The following LARP7 variants were observed in gnomAD, a reference collection of about 807,000 sequenced individuals.
LARP7 encodes the protein La ribonucleoprotein 7, transcriptional regulator.
Under a neutral mutation model 69.3 loss-of-function variants are expected in LARP7, and 52 were observed. That is an observed-to-expected ratio of 0.75 (90% CI 0.60 to 0.95). The LOEUF is 0.95. LARP7 is among the 40% of genes least tolerant of loss of function. The pLI is 0.00. For missense variants in LARP7, 733 were observed against 673.0 expected, an observed-to-expected ratio of 1.09 and a Z score of -0.99; for synonymous variants, 254 against 215.9, an observed-to-expected ratio of 1.18 and a Z score of -1.55.
Position 112,646,214 on chromosome 4 carries a change from C to A in LARP7, c.203-137C>A, listed in dbSNP as rs537317459. ...GGCTGGTCTTGAACTCCCCCATCCA[C>A]CCGCCTTGGCCTCCCAAAGTACTAG... On this transcript the variant is annotated intron_variant, in intron 2 of 12. Transcript: ENST00000344442. 8.6e-4 allele frequency: 405 copies of A among 469,516 alleles called. 1 individual carries two copies. Among genetic ancestry groups the A allele is most frequent in the African/African-American group, 7.5e-3 (364 of 48,664 alleles). 29.1% of individuals were successfully genotyped at this position (469,516 alleles called of 1,614,324 possible). A position where few individuals can be genotyped will look rare whatever the true frequency, so the allele number is the denominator to read the frequency against.
intron 12 of LARP7, 75 bp from the exon 13 acceptor site, chr4:112,657,172 G>T (rs1376547320): frequency 2.3e-5 from 6 of 264,362 alleles, no homozygotes; most frequent in Non-Finnish European, 4.3e-5. Flanking sequence ...TCATAGTTTT[G>T]TGTGTGTGTG....
intron 1 of LARP7, among the ~76,000 whole-genome samples, chr4:112,641,656 A>G (rs1325527641): frequency 6.6e-6 from 1 of 152,232 alleles, no homozygotes; most frequent in African/African-American, 2.4e-5. Context: ...TGAGTTGACC[A>G]TGAGGTGTAA....
intron 12 of LARP7, among the ~76,000 whole-genome samples, chr4:112,656,571 A>G (rs556680285): frequency 2.6e-5 from 4 of 152,356 alleles, no homozygotes; most frequent in Non-Finnish European, 4.4e-5. Context: ...GTAAAAATAG[A>G]TAACAGCTAC....
chr4:112,647,050 C>G lies in LARP7; in HGVS notation c.569C>G (p.Pro190Arg). 6.2e-7 allele frequency: 1 copy of G among 1,609,724 alleles called. No homozygotes were observed. Among genetic ancestry groups the G allele is most frequent in the Non-Finnish European group, 8.5e-7 (1 of 1,179,018 alleles). The change falls in exon 6 of 13, where the codon CCA (proline) becomes CGA (arginine). Residue 190 changes from proline to arginine, a missense_variant. By Grantham distance (103) the Pro-to-Arg change is moderately radical (BLOSUM62 -2). Coordinates refer to ENST00000344442, the MANE Select transcript of LARP7 (RefSeq NM_016648.4). Reference protein sequence around the residue: ...AKAIEFLNNPPEEAPRKPGIF... With the variant: ...AKAIEFLNNPREEAPRKPGIF... ...TCATTTCAGTTTCTTAACAACCCACCAGAAGAAGCACCAAGAAAACCTGGC... is the reference window on the plus strand; with the variant it reads ...TCATTTCAGTTTCTTAACAACCCACGAGAAGAAGCACCAAGAAAACCTGGC...
chr4:112,649,750 A>G, intron 9 of LARP7, 64 bp downstream of exon 9: 1 of 1,026,248 alleles, frequency 9.7e-7, no homozygotes, highest in Non-Finnish European at 1.3e-6. Flanking sequence ...GCTATCTCTG[A>G]GTTGTTATAA....
chr4:112,652,294 C>T (rs1459754060), intron 10 of LARP7, among the ~76,000 whole-genome samples: 6 of 60,114 alleles, frequency 1.0e-4, no homozygotes, highest in South Asian at 5.7e-4. Flanking sequence ...AATAAGATTT[C>T]CCCCCCCCCC....
chr4:112,647,196 CAGAAG>C lies in LARP7; in HGVS notation c.651_655del (p.Lys219GlufsTer30). ...TGAACTAATAATGATGGCACTTTTA[CAGAAG>C]AGAAGAAAAAGAAAAAGAAGAAGAA... On this transcript the variant is annotated splice_acceptor_variant and coding_sequence_variant, in exon 7 of 13. Transcript: ENST00000344442. LOFTEE classifies it high-confidence loss of function. The C allele has an allele frequency of 1.1e-5, 17 of 1,587,956 alleles. No homozygotes were observed. The highest frequency in any genetic ancestry group is 1.4e-5 in the Non-Finnish European group (16 of 1,172,932).
At chr4:112,642,823 CTGT>C (rs1464932716) in intron 1 of LARP7, among the ~76,000 whole-genome samples, 1 of 152,228 alleles carries the variant, frequency 6.6e-6, no homozygotes, top group Non-Finnish European at 1.5e-5. Flanking sequence ...GCCTATCAAT[CTGT>C]TGTTCTGGTC....
intron 12 of LARP7, among the ~76,000 whole-genome samples, chr4:112,656,068 G>A (rs1210163309): frequency 6.6e-6 from 1 of 152,006 alleles, no homozygotes; most frequent in African/African-American, 2.4e-5. Flanking sequence ...TGTTGTATTT[G>A]GCCCATAATT....
chr4:112,642,316 G>A (rs2149252284), intron 1 of LARP7, among the ~76,000 whole-genome samples: 1 of 152,278 alleles, frequency 6.6e-6, no homozygotes, highest in African/African-American at 2.4e-5. Context: ...ACCTATAGTT[G>A]TGTTTTATGT....
intron 8 of LARP7, 200 bp downstream of exon 8, chr4:112,648,034 G>C: frequency 1.5e-6 from 1 of 666,238 alleles, no homozygotes; most frequent in Non-Finnish European, 2.9e-6. Flanking sequence ...ACTTATTTTT[G>C]TCATGTCACA....
At chr4:112,650,116 A>G (rs367573595) in intron 9 of LARP7, 2 of 190,346 alleles carry the variant, frequency 1.1e-5, no homozygotes, top group East Asian at 2.7e-4. Context: ...TCACGTTTGA[A>G]TAATAATGTA....
chr4:112,646,447 TAGAGGTA>T lies in LARP7; in HGVS notation c.303_303+6del, dbSNP rs2048244304. On this transcript the variant is annotated splice_donor_variant and splice_donor_region_variant and coding_sequence_variant and intron_variant, in exon 3 of 13. Coordinates refer to ENST00000344442, the MANE Select transcript of LARP7 (RefSeq NM_016648.4). LOFTEE classifies it high-confidence loss of function. ...AGAGCATTGAGAAGTTCAGCTGTTG[TAGAGGTA>T]AGAATCAAGAATAACTACTGTTTAT... 1 of 1,573,756 alleles carries T rather than the reference TAGAGGTA, an allele frequency of 6.4e-7. No individual in the cohort carries two copies. Among genetic ancestry groups the T allele is most frequent in the African/African-American group, 1.4e-5 (1 of 73,928 alleles).
chr4:112,641,128 C>T (rs1023518785), intron 1 of LARP7, among the ~76,000 whole-genome samples: 1 of 152,066 alleles, frequency 6.6e-6, no homozygotes, highest in Non-Finnish European at 1.5e-5. Flanking sequence ...GAGCTGGGCG[C>T]GGTGGCTCAC....
In LARP7 at chr4:112,647,431, G is replaced by A. The variant is rs2048354789; in HGVS notation, c.879G>A (p.Gly293=). The change falls in exon 7 of 13, where the codon GGG becomes GGA. Residue 293 remains glycine, a synonymous_variant. Coordinates refer to ENST00000344442, the MANE Select transcript of LARP7 (RefSeq NM_016648.4). ...CTAGCTTACCTGAAGTCAGAACAGGGAAGAGGAAGAGAAGCAGCTCTGAAG... is the reference window on the plus strand; with the variant it reads ...CTAGCTTACCTGAAGTCAGAACAGGAAAGAGGAAGAGAAGCAGCTCTGAAG... The part of the protein sequence containing the change: ...EASSLPEVRT[G]KRKRSSSEDA... 1.2e-6 allele frequency: 2 copies of A among 1,613,936 alleles called. No homozygotes were observed. The highest frequency in any genetic ancestry group is 1.7e-5 in the Admixed American group (1 of 59,992).
intron 1 of LARP7, 180 bp from the exon 2 acceptor site, chr4:112,644,488 G>A: frequency 8.5e-7 from 1 of 1,176,474 alleles, no homozygotes; most frequent in Non-Finnish European, 1.1e-6. Flanking sequence ...TAACATAGAA[G>A]GTAAATTATT....
At chr4:112,654,027 G>A (rs1357559049) in intron 11 of LARP7, 41 bp from the exon 12 acceptor site, 1 of 1,414,354 alleles carries the variant, frequency 7.1e-7, no homozygotes, top group Non-Finnish European at 1.0e-6. Context: ...TTTCAGATAT[G>A]TTCTTCTTTT....
chr4:112,654,445 T>C, intron 12 of LARP7: 1 of 244,752 alleles, frequency 4.1e-6, no homozygotes, highest in Non-Finnish European at 8.0e-6. Context: ...CTATGTCTTG[T>C]AGTTTGGTGA....
intron 8 of LARP7, chr4:112,648,058 T>C (rs2048426003): frequency 3.1e-6 from 2 of 639,942 alleles, no homozygotes; most frequent in Middle Eastern, 2.7e-4. Flanking sequence ...AGTGCCTCCA[T>C]GTTAAAGTAG....
Sources: gnomAD v4.1 joint callset for allele counts (sites outside exome capture counted in the v4.1 genomes callset) on GRCh38, gnomAD v4.1.1 for gene constraint, MANE v1.5 for transcripts, NCBI Gene and HGNC (gene_info 2026-07-23, HGNC 2026-07-21) for gene names.